Variants in PALLD observed in about 807,000 individuals in gnomAD.
The protein encoded by PALLD is palladin.
Under a neutral mutation model 123.5 loss-of-function variants are expected in PALLD, and 61 were observed. The observed-to-expected ratio is 0.49, with a 90% CI of 0.40 to 0.61. The LOEUF is 0.61. Ranked by LOEUF, PALLD falls within the 20% of genes least tolerant of loss-of-function variation. The probability of loss-of-function intolerance (pLI) is 0.00; values close to 1 mark genes in which losing one functional copy is unlikely to be tolerated. For synonymous variants in PALLD, 465 were observed against 496.4 expected (o/e 0.94, Z 0.84); for missense variants, 1,273 against 1,377.0 (o/e 0.92, Z 1.20).
chr4:168,909,494 T>G (rs183389309), intron 15 of PALLD, among the ~76,000 whole-genome samples: 68 of 152,332 alleles, frequency 4.5e-4, no homozygotes, highest in Middle Eastern at 3.4e-3. Context: ...TGGATTTGTT[T>G]GGAATGGAAA....
intron 8 of PALLD, among the ~76,000 whole-genome samples, chr4:168,705,060 A>T (rs1784099436): frequency 6.7e-6 from 1 of 148,162 alleles, no homozygotes; most frequent in Non-Finnish European, 1.5e-5. Flanking sequence ...TTTGCCAAAG[A>T]AAGTTTCTGG....
At chr4:168,506,071 C>T (rs1353082780) in intron 1 of PALLD, 1 of 152,210 alleles carries the variant, frequency 6.6e-6, no homozygotes, top group Non-Finnish European at 1.5e-5. Context: ...ACTTCCCTCC[C>T]ATTTTACCTG....
At chr4:168,658,288 T>C (rs1778793486) in intron 2 of PALLD, among the ~76,000 whole-genome samples, 2 of 146,258 alleles carry the variant, frequency 1.4e-5, no homozygotes, top group Non-Finnish European at 1.5e-5. Flanking sequence ...TTATTTGGTT[T>C]TTTTTTTTTT....
intron 17 of PALLD, among the ~76,000 whole-genome samples, chr4:168,917,975 C>T (rs1417464840): frequency 1.3e-5 from 2 of 151,832 alleles, no homozygotes; most frequent in Admixed American, 6.6e-5. Context: ...CTGAGGCGGG[C>T]GGATCACGAG....
At chr4:168,899,088 C>G (rs1197608990) in intron 14 of PALLD, among the ~76,000 whole-genome samples, 1 of 152,118 alleles carries the variant, frequency 6.6e-6, no homozygotes, top group Non-Finnish European at 1.5e-5. Context: ...GTGCTCTGTA[C>G]CATACAGACA....
At chr4:168,549,630 T>C (rs907187339) in intron 2 of PALLD, among the ~76,000 whole-genome samples, 1 of 152,300 alleles carries the variant, frequency 6.6e-6, no homozygotes, top group East Asian at 1.9e-4. Context: ...TAAAGTATCC[T>C]ATTTAGAGGG....
intron 2 of PALLD, among the ~76,000 whole-genome samples, chr4:168,650,263 A>G (rs1417370988): frequency 6.6e-6 from 1 of 152,190 alleles, no homozygotes; most frequent in East Asian, 1.9e-4. Flanking sequence ...TCCACAGTGA[A>G]AAGTTAAAGT....
chr4:168,749,316 C>T (rs1025862197), intron 10 of PALLD, among the ~76,000 whole-genome samples: 1 of 152,046 alleles, frequency 6.6e-6, no homozygotes, highest in Non-Finnish European at 1.5e-5. Context: ...TATAAATTAC[C>T]CAGTCTCAGG....
chr4:168,745,429 G>GA (rs1561473895), intron 10 of PALLD, among the ~76,000 whole-genome samples: 4 of 141,246 alleles, frequency 2.8e-5, no homozygotes, highest in African/African-American at 1.0e-4. Flanking sequence ...GAGATGGGAG[G>GA]GGGGGGCAAA....
chr4:168,613,948 C>G (rs1424887018), intron 2 of PALLD, among the ~76,000 whole-genome samples: 2 of 152,232 alleles, frequency 1.3e-5, no homozygotes, highest in Admixed American at 6.5e-5. Flanking sequence ...CTGCTGCCCT[C>G]CAGACCTAAT....
chr4:168,567,182 T>A (rs1768479712), intron 2 of PALLD, among the ~76,000 whole-genome samples: 1 of 152,086 alleles, frequency 6.6e-6, no homozygotes, highest in Admixed American at 6.6e-5. Flanking sequence ...TAAGATTTAG[T>A]TTAACTAAAA....
In PALLD at chr4:168,739,007, T is replaced by C. The variant is rs75117686; in HGVS notation, c.1964+27084T>C. On this transcript the variant is annotated intron_variant, in intron 10 of 21. Transcript: ENST00000505667. The stretch of plus-strand genomic sequence containing the variant: ...AATCAACATTTTTAGTTCCCATGTA[T>C]GAGTGGAACATGCAATATTTGTTTT... 4.5e-4 allele frequency among the ~76,000 whole-genome samples: 69 copies of C among 152,328 alleles called. No homozygotes were observed. The East Asian group carries it at 0.013, about 29-fold the overall frequency.
intron 2 of PALLD, among the ~76,000 whole-genome samples, chr4:168,517,829 G>C (rs959611998): frequency 3.3e-5 from 5 of 152,164 alleles, no homozygotes; most frequent in African/African-American, 1.2e-4. Flanking sequence ...AATACCATCA[G>C]ATCATCAAAA....
intron 10 of PALLD, among the ~76,000 whole-genome samples, chr4:168,765,219 T>A (rs953370023): frequency 6.6e-6 from 1 of 152,002 alleles, no homozygotes; most frequent in Non-Finnish European, 1.5e-5. Flanking sequence ...GCACAATATT[T>A]GAAAATAGAG....
At chr4:168,901,001 T>C (rs974560602) in intron 14 of PALLD, among the ~76,000 whole-genome samples, 3 of 152,224 alleles carry the variant, frequency 2.0e-5, no homozygotes, top group African/African-American at 7.2e-5. Context: ...GATGGGCTTT[T>C]GTTTTTAATA....
intron 4 of PALLD, 106 bp downstream of exon 4, chr4:168,681,504 T>TTAACATCA: frequency 1.3e-6 from 1 of 751,276 alleles, no homozygotes; most frequent in East Asian, 2.7e-5. Context: ...AGTCAACTGA[T>TTAACATCA]GTTAATCAGA....
In PALLD at chr4:168,652,920, A is replaced by G. The variant is rs543315142; in HGVS notation, c.909-15270A>G. Among the ~76,000 whole-genome samples the G allele has an allele frequency of 2.5e-3, 376 of 152,346 alleles. 2 individuals are homozygous for G. Among genetic ancestry groups the G allele is most frequent in the African/African-American group, 8.4e-3 (349 of 41,582 alleles). On this transcript the variant is annotated intron_variant, in intron 2 of 21. Transcript: ENST00000505667. ...GCATCATAATTAAGAGGACTGTGCC[A>G]TTCTTTAGTGTTCAGCACACCAGGC...
intron 10 of PALLD, among the ~76,000 whole-genome samples, chr4:168,763,494 G>A (rs1056778991): frequency 2.0e-5 from 3 of 152,178 alleles, no homozygotes; most frequent in African/African-American, 4.8e-5. Context: ...GAAGACACAT[G>A]GCACTTTTAG....
rs148581674 is a variant in PALLD at position 168,748,088 on chromosome 4, G to GTT, written c.1964+36165_1964+36166insTT. ...GAAAATGTTAGCATATTGACACAAA[G>GTT]GTTTCAGTATTCTAAATAATCAAAT... is the stretch of plus-strand genomic sequence containing the variant. On this transcript the variant is annotated intron_variant, in intron 10 of 21. Transcript: ENST00000505667. Among the ~76,000 whole-genome samples the GTT allele has an allele frequency of 4.9e-3, 751 of 152,152 alleles. 4 individuals carry two copies. Among genetic ancestry groups the GTT allele is most frequent in the Non-Finnish European group, 5.7e-3 (390 of 68,022 alleles).
Sources: allele counts gnomAD v4.1 joint callset (sites outside exome capture counted in the v4.1 genomes callset), GRCh38; gene constraint gnomAD v4.1.1; transcripts MANE v1.5; gene names NCBI Gene and HGNC (gene_info 2026-07-23, HGNC 2026-07-21).